RIF1: variants seen among roughly 807,000 people sequenced by gnomAD.
The protein encoded by RIF1 is replication timing regulatory factor 1.
A neutral mutation model predicts 247.1 loss-of-function variants in RIF1; 45 were observed. The ratio of observed to expected loss-of-function variants is 0.18; its 90% CI spans 0.14 to 0.23. RIF1 has a LOEUF of 0.23. Ranked by LOEUF, RIF1 falls within the 10% of genes least tolerant of loss-of-function variation. The probability of loss-of-function intolerance (pLI) is 1.00; values close to 1 mark genes in which losing one functional copy is unlikely to be tolerated. For missense variants in RIF1, 2,967 were observed against 2,862.5 expected (o/e 1.04, Z -0.83); for synonymous variants, 1,087 against 978.8 (o/e 1.11, Z -2.06).
chr2:151,527,205 G>T, the RIF1 span, among the ~76,000 whole-genome samples: 5 of 151,518 alleles, frequency 3.3e-5, no homozygotes, highest in East Asian at 9.7e-4. Flanking sequence ...TAGCTGCCAG[G>T]ACCAAGCCCC....
chr2:151,447,038 G>T (rs1231301459), intron 20 of RIF1, among the ~76,000 whole-genome samples: 1 of 150,918 alleles, frequency 6.6e-6, no homozygotes, highest in Non-Finnish European at 1.5e-5. Flanking sequence ...CCGCCTCCCG[G>T]GTTCACGCCA....
chr2:151,455,596 AAATAC>A (rs1221502052), intron 22 of RIF1, among the ~76,000 whole-genome samples: 1 of 152,244 alleles, frequency 6.6e-6, no homozygotes, highest in Non-Finnish European at 1.5e-5. Flanking sequence ...GAATGCAAAT[AAATAC>A]AATATGACAA....
chr2:151,494,653 GT>G (rs1221846308), intron 9 of RIF1, among the ~76,000 whole-genome samples: 1 of 151,706 alleles, frequency 6.6e-6, no homozygotes, highest in African/African-American at 2.4e-5. Flanking sequence ...GTTTTGTTTT[GT>G]TTTGTTTTTG....
intron 10 of RIF1, chr2:151,496,244 G>A (rs1231785186): frequency 6.6e-7 from 1 of 1,520,684 alleles, no homozygotes; most frequent in African/African-American, 1.4e-5. Flanking sequence ...TTTAAAATCA[G>A]TAAGTAGTTT....
intron 4 of RIF1, among the ~76,000 whole-genome samples, chr2:151,416,131 A>T (rs2152113057): frequency 6.6e-6 from 1 of 152,354 alleles, no homozygotes; most frequent in South Asian, 2.1e-4. Context: ...AAGGGAAGTT[A>T]GGAATAAAGA....
intron 21 of RIF1, among the ~76,000 whole-genome samples, chr2:151,453,010 A>G (rs955351156): frequency 6.6e-6 from 1 of 152,166 alleles, no homozygotes; most frequent in Non-Finnish European, 1.5e-5. Flanking sequence ...CCGAAAGGAA[A>G]TTGTTATTAT....
At chr2:151,525,809 T>C in the RIF1 span, 2 of 736,424 alleles carry the variant, frequency 2.7e-6, no homozygotes, top group South Asian at 3.1e-5. Context: ...CTGGGTCATT[T>C]TAAAAGTCAG....
intron 10 of RIF1, 94 bp downstream of exon 10, chr2:151,433,322 T>A: frequency 7.1e-6 from 7 of 979,920 alleles, no homozygotes; most frequent in Non-Finnish European, 1.1e-5. Flanking sequence ...ATTTTTGCTA[T>A]TTATTAGCAG....
At chr2:151,433,589 G>C (rs1421643168) in intron 10 of RIF1, among the ~76,000 whole-genome samples, 1 of 151,918 alleles carries the variant, frequency 6.6e-6, no homozygotes, top group Non-Finnish European at 1.5e-5. Flanking sequence ...CGAGTAGCTG[G>C]GACTGCAGGC....
downstream of RIF1, chr2:151,485,689 G>A (rs1323070212): frequency 3.0e-5 from 43 of 1,423,140 alleles, no homozygotes; most frequent in Non-Finnish European, 4.0e-5. Flanking sequence ...AGGTAACAGT[G>A]GAGAGTCTAA....
At position 151,441,839 on chromosome 2, in the gene RIF1, C is replaced by T. The variant is rs1195822025; in HGVS notation, c.1648-66C>T. 1.2e-5 allele frequency: 8 copies of T among 695,000 alleles called. No individual in the cohort carries two copies. In the Admixed American group the frequency reaches 1.5e-4, roughly 13 times the overall value. 43.1% of individuals were successfully genotyped at this position (695,000 alleles called of 1,614,324 possible). On this transcript the variant is annotated intron_variant, in intron 15 of 35. Coordinates refer to ENST00000444746, the MANE Select transcript of RIF1 (RefSeq NM_018151.5). ...TTGTAATTGTTAGAGATATAGTTAA[C>T]ACTCAGATTTTTATTAGATAATATT... is the stretch of plus-strand genomic sequence containing the variant.
At chr2:151,448,307 G>A (rs768557144) in intron 20 of RIF1, among the ~76,000 whole-genome samples, 3 of 152,156 alleles carry the variant, frequency 2.0e-5, no homozygotes, top group Non-Finnish European at 1.5e-5. Context: ...GCCTTCCAAA[G>A]TGTTGGGATT....
the RIF1 span, chr2:151,526,156 A>C: frequency 6.2e-7 from 1 of 1,613,748 alleles, no homozygotes; most frequent in Non-Finnish European, 8.5e-7. Flanking sequence ...GCTGGGGGTT[A>C]CCTCAGACAC....
the RIF1 span, chr2:151,525,821 G>T: frequency 3.9e-6 from 3 of 766,480 alleles, no homozygotes; most frequent in East Asian, 7.4e-5. Context: ...AAAAGTCAGA[G>T]TTTAAGATTC....
chr2:151,497,546 G>T, intron 10 of RIF1: 1 of 1,521,990 alleles, frequency 6.6e-7, no homozygotes, highest in South Asian at 1.3e-5. Context: ...TAAAAAGTAG[G>T]ATTAATACGT....
intron 10 of RIF1, among the ~76,000 whole-genome samples, chr2:151,433,909 T>C (rs6715917): frequency 0.68 from 102,928 of 151,702 alleles, 35,126 homozygotes; most frequent in East Asian, 0.77. Context: ...CGGTGACTCA[T>C]GCCTGTAGTC....
Position 151,463,138 on chromosome 2 carries a change from T to C in RIF1, c.3618T>C (p.Thr1206=), listed in dbSNP as rs1046805086. Residue 1206 remains threonine (T), a synonymous_variant, in exon 30 of 36, where the codon ACT becomes ACC. Coordinates refer to ENST00000444746, the MANE Select transcript of RIF1 (RefSeq NM_018151.5). ...VVSSSSVSNT[T]VAGTPPYPTS... ...GCAGTAGTTCAGTTTCTAATACCACTGTTGCTGGAACTCCCCCATACCCTA... is the reference window on the plus strand; with the variant it reads ...GCAGTAGTTCAGTTTCTAATACCACCGTTGCTGGAACTCCCCCATACCCTA... 6.2e-7 allele frequency: 1 copy of C among 1,614,040 alleles called. No homozygotes were observed. Among genetic ancestry groups the C allele is most frequent in the African/African-American group, 1.3e-5 (1 of 74,954 alleles).
At chr2:151,416,329 A>G (rs1687215719) in intron 4 of RIF1, among the ~76,000 whole-genome samples, 1 of 152,172 alleles carries the variant, frequency 6.6e-6, no homozygotes, top group Non-Finnish European at 1.5e-5. Context: ...TCAGTTGCAC[A>G]AGATATCTGA....
Position 151,411,353 on chromosome 2 carries a change from G to A in RIF1, c.183+15G>A. 6.9e-7 allele frequency: 1 copy of A among 1,444,350 alleles called. No homozygotes were observed. Among genetic ancestry groups the A allele is most frequent in the Non-Finnish European group, 9.5e-7 (1 of 1,053,502 alleles). 89.5% of individuals were successfully genotyped at this position (1,444,350 alleles called of 1,614,324 possible). A position where few individuals can be genotyped will look rare whatever the true frequency, so the allele number is the denominator to read the frequency against. ...AAGTTTTAAAGGTATGTATCTGTTT[G>A]TTAAACAGTTTTTCACTTTTGGTAG... On this transcript the variant is annotated intron_variant, in intron 3 of 35. Coordinates refer to ENST00000444746, the MANE Select transcript of RIF1 (RefSeq NM_018151.5).
Sources: gnomAD v4.1 joint callset for allele counts (sites outside exome capture counted in the v4.1 genomes callset) on GRCh38, gnomAD v4.1.1 for gene constraint, MANE v1.5 for transcripts, NCBI Gene and HGNC (gene_info 2026-07-23, HGNC 2026-07-21) for gene names.